The following DOCK1 variants were observed in gnomAD, a reference collection of about 807,000 sequenced individuals.
DOCK1 encodes dedicator of cytokinesis 1.
DOCK1 carries 138 observed loss-of-function variants against 262.7 expected under a neutral mutation model. That is an observed-to-expected ratio of 0.53 (90% confidence interval 0.46 to 0.61). The LOEUF is 0.61. DOCK1 is among the 20% of genes least tolerant of loss of function. The pLI is 0.00. For missense variants in DOCK1, 1,908 were observed against 2,370.7 expected, an observed-to-expected ratio of 0.80 and a Z score of 4.05; for synonymous variants, 866 against 867.4, an observed-to-expected ratio of 1.00 and a Z score of 0.03.
At chr10:127,307,540 C>T (rs528064999) in intron 29 of DOCK1, among the ~76,000 whole-genome samples, 5 of 152,288 alleles carry the variant, frequency 3.3e-5, no homozygotes, top group East Asian at 3.9e-4. Flanking sequence ...CTCCCCGATC[C>T]GAGGAGGTGT....
chr10:127,432,845 C>G (rs1388259907), intron 47 of DOCK1, among the ~76,000 whole-genome samples: 1 of 152,124 alleles, frequency 6.6e-6, no homozygotes, highest in Non-Finnish European at 1.5e-5. Context: ...TAGAGGAGGT[C>G]AGTCATTATG....
rs151235422 is a variant in DOCK1 at position 127,145,683 on chromosome 10, C to T, written c.2847+17919C>T. On this transcript the variant is annotated intron_variant, in intron 27 of 51. Coordinates refer to ENST00000623213, the MANE Select transcript of DOCK1 (RefSeq NM_001290223.2). ...CTAGAGACATGGGTGACGTCCCGGG[C>T]TCCCAGTGTTGGTGTGAAGGCTACA... is the stretch of plus-strand genomic sequence containing the variant. Among the ~76,000 whole-genome samples, 601 of 152,288 alleles carry T rather than the reference C, an allele frequency of 3.9e-3. 5 individuals carry two copies. The highest frequency in any genetic ancestry group is 0.013 in the African/African-American group (542 of 41,560).
chr10:127,067,922 G>T (rs1013161303), intron 23 of DOCK1, among the ~76,000 whole-genome samples: 1 of 151,902 alleles, frequency 6.6e-6, no homozygotes, highest in Non-Finnish European at 1.5e-5. Context: ...TGAATTTGAG[G>T]CCCCCCAAGC....
At chr10:127,095,569 GCCATGGCCCAGCTCTT>G (rs1343681155) in intron 23 of DOCK1, among the ~76,000 whole-genome samples, 1 of 152,250 alleles carries the variant, frequency 6.6e-6, no homozygotes, top group Admixed American at 6.5e-5. Flanking sequence ...CCAGAGAGGA[GCCATGGCCCAGCTCTT>G]GCTGGGCTGA....
intron 1 of DOCK1, among the ~76,000 whole-genome samples, chr10:126,937,499 A>T (rs1309829629): frequency 1.4e-5 from 2 of 141,190 alleles, no homozygotes; most frequent in Non-Finnish European, 3.0e-5. Context: ...TTTCTCCAAC[A>T]CTTGTTATTT....
chr10:126,979,863 T>G (rs986842543), intron 3 of DOCK1, among the ~76,000 whole-genome samples: 1 of 152,196 alleles, frequency 6.6e-6, no homozygotes, highest in African/African-American at 2.4e-5. Flanking sequence ...GTTATAAGTG[T>G]GCAGTTGATT....
intron 1 of DOCK1, among the ~76,000 whole-genome samples, chr10:126,956,143 A>C (rs2036721894): frequency 6.6e-6 from 1 of 152,212 alleles, no homozygotes; most frequent in Non-Finnish European, 1.5e-5. Flanking sequence ...GCCACTGTGC[A>C]GTTGCTGATC....
chr10:127,139,348 G>T (rs2051005087), intron 27 of DOCK1, among the ~76,000 whole-genome samples: 1 of 151,870 alleles, frequency 6.6e-6, no homozygotes, highest in South Asian at 2.1e-4. Context: ...TAAATCCACT[G>T]TTCCATTTTT....
At chr10:126,990,325 T>G in intron 5 of DOCK1, 130 bp from the exon 6 acceptor site, 1 of 958,766 alleles carries the variant, frequency 1.0e-6, no homozygotes, top group Non-Finnish European at 1.5e-6. Flanking sequence ...CACCTTTTAA[T>G]TCAACATTAA....
intron 29 of DOCK1, among the ~76,000 whole-genome samples, chr10:127,261,389 C>CCG (rs2060102793): frequency 9.5e-6 from 1 of 105,766 alleles, no homozygotes. Flanking sequence ...GTGTGTGTAC[C>CCG]TGCATGTGTG....
chr10:127,287,999 C>A (rs1279213050), intron 29 of DOCK1, among the ~76,000 whole-genome samples: 3 of 152,088 alleles, frequency 2.0e-5, no homozygotes, highest in African/African-American at 4.8e-5. Flanking sequence ...ATAGATGGTA[C>A]CCTGAGAGTG....
chr10:127,431,093 GTGGCTCGGGGTTTTA>G (rs933402184), intron 47 of DOCK1, among the ~76,000 whole-genome samples: 1 of 151,796 alleles, frequency 6.6e-6, no homozygotes, highest in African/African-American at 2.4e-5. Context: ...GGGGCTCCGA[GTGGCTCGGGGTTTTA>G]TGGAGGGTCA....
chr10:126,998,267 G>C lies in DOCK1; in HGVS notation c.767+18G>C. 2.5e-6 allele frequency: 4 copies of C among 1,613,164 alleles called. No individual in the cohort carries two copies. Among genetic ancestry groups the C allele is most frequent in the Non-Finnish European group, 3.4e-6 (4 of 1,179,266 alleles). On this transcript the variant is annotated intron_variant, in intron 8 of 51. Coordinates refer to ENST00000623213, the MANE Select transcript of DOCK1 (RefSeq NM_001290223.2). ...TTCATCAGGTGGGTGACATTTCTTG[G>C]CTGCCGTCTTTCCTCTTTGGTTAGT...
chr10:127,365,348 T>G lies in DOCK1; in HGVS notation c.3432+3136T>G, dbSNP rs1420568264. Reference sequence around the variant, plus strand: ...AAATTATTGCCAAATGGTTTGATGTTAATACGATAAGATTTGCCCCATCTC... The same window carrying G: ...AAATTATTGCCAAATGGTTTGATGTGAATACGATAAGATTTGCCCCATCTC... On this transcript the variant is annotated intron_variant, in intron 33 of 51. Transcript: ENST00000623213. Among the ~76,000 whole-genome samples, 11 of 152,366 alleles carry G rather than the reference T, an allele frequency of 7.2e-5. No homozygotes were observed. The East Asian group carries it at 2.1e-3, about 29-fold the overall frequency.
intron 26 of DOCK1, among the ~76,000 whole-genome samples, chr10:127,127,158 C>T (rs776731512): frequency 4.6e-5 from 7 of 152,196 alleles, no homozygotes; most frequent in Non-Finnish European, 8.8e-5. Context: ...GAAGAAGAAT[C>T]AACAATCGCA....
At chr10:127,202,691 G>A (rs1342541663) in intron 27 of DOCK1, among the ~76,000 whole-genome samples, 3 of 152,180 alleles carry the variant, frequency 2.0e-5, no homozygotes, top group African/African-American at 7.2e-5. Context: ...TCGGTTGTGC[G>A]CCTCCAGGGT....
rs1295944752 is a variant in DOCK1 at position 126,939,483 on chromosome 10, TG to T, written c.47-31218del. On this transcript the variant is annotated intron_variant, in intron 1 of 51. Transcript: ENST00000623213. Reference sequence around the variant, plus strand: ...TCTGCATGTACCTGTTTACTTTTGCTGTATTTCTTAGGCTGGTAGGTTAAGG... The same window carrying T: ...TCTGCATGTACCTGTTTACTTTTGCTTATTTCTTAGGCTGGTAGGTTAAGG... Among the ~76,000 whole-genome samples, 1,106 of 152,344 alleles carry T rather than the reference TG, an allele frequency of 7.3e-3. 15 individuals carry two copies. Among genetic ancestry groups the T allele is most frequent in the African/African-American group, 0.025 (1,026 of 41,576 alleles).
chr10:127,343,169 C>G (rs939398805), intron 30 of DOCK1, among the ~76,000 whole-genome samples: 5 of 152,132 alleles, frequency 3.3e-5, no homozygotes. Context: ...TGCTTGAACC[C>G]AGAAGGCAGA....
intron 51 of DOCK1, among the ~76,000 whole-genome samples, chr10:127,449,206 C>G (rs1387222062): frequency 6.6e-6 from 1 of 152,194 alleles, no homozygotes; most frequent in African/African-American, 2.4e-5. Flanking sequence ...TTTCTAACTA[C>G]TTGTGAGAGT....
Sources: allele counts gnomAD v4.1 joint callset (sites outside exome capture counted in the v4.1 genomes callset), GRCh38; gene constraint gnomAD v4.1.1; transcripts MANE v1.5; gene names NCBI Gene and HGNC (gene_info 2026-07-23, HGNC 2026-07-21).